The following ZNF185 variants were observed in gnomAD, a reference collection of about 807,000 sequenced individuals.
ZNF185 encodes the protein zinc finger protein 185.
Under a neutral mutation model 58.6 loss-of-function variants are expected in ZNF185, and 56 were observed. The ratio of observed to expected loss-of-function variants is 0.95; its 90% CI spans 0.77 to 1.19. The LOEUF is 1.19. ZNF185 is among the 50% of genes most tolerant of loss of function. The pLI, the probability that ZNF185 is intolerant of heterozygous loss-of-function variation, is 0.00. For synonymous variants in ZNF185, 230 were observed against 215.9 expected (o/e 1.07, Z -0.57); for missense variants, 627 against 573.5 (o/e 1.09, Z -0.95).
intron 15 of ZNF185, among the ~76,000 whole-genome samples, chrX:152,938,887 CAA>C (rs1569506289): frequency 2.1e-5 from 2 of 95,450 alleles, no homozygotes; most frequent in Non-Finnish European, 3.9e-5. Context: ...GTGGAAAAGG[CAA>C]CTCAGGCGAT....
intron 16 of ZNF185, among the ~76,000 whole-genome samples, chrX:152,950,144 A>T (rs1392914168): frequency 8.9e-6 from 1 of 112,491 alleles, no homozygotes; most frequent in Non-Finnish European, 1.9e-5. Context: ...GAAGCGGTAG[A>T]ATTCCACATG....
chrX:152,938,895 GCGATCTC>G (rs386828521), intron 15 of ZNF185, among the ~76,000 whole-genome samples: 1 of 84,496 alleles, frequency 1.2e-5, no homozygotes, highest in Non-Finnish European at 2.3e-5. Context: ...GGCAACTCAG[GCGATCTC>G]CTCTAAAGAG....
At chrX:152,964,629 A>G (rs1193914494) in intron 18 of ZNF185, among the ~76,000 whole-genome samples, 8 of 111,922 alleles carry the variant, frequency 7.1e-5, no homozygotes, top group African/African-American at 2.6e-4. Flanking sequence ...CCCACCTCCA[A>G]CACTGGGAAT....
chrX:152,918,381 C>T (rs782116327), intron 6 of ZNF185, among the ~76,000 whole-genome samples: 68 of 112,855 alleles, frequency 6.0e-4, no homozygotes, highest in African/African-American at 2.2e-3. Context: ...CGAGGCAGAG[C>T]GGAGACCGCA....
intron 16 of ZNF185, among the ~76,000 whole-genome samples, chrX:152,951,401 C>T (rs1013564970): frequency 4.1e-4 from 46 of 111,788 alleles, no homozygotes; most frequent in Middle Eastern, 4.7e-3. Context: ...TTTCTGTGAA[C>T]ATTTTCTAAT....
At chrX:152,941,843 G>A in intron 15 of ZNF185, 1 of 1,142,073 alleles carries the variant, frequency 8.8e-7, no homozygotes, top group Non-Finnish European at 1.2e-6. Flanking sequence ...AAGGTCTGAA[G>A]CCGCGGCCAG....
intron 15 of ZNF185, among the ~76,000 whole-genome samples, chrX:152,940,426 G>C (rs2047050583): frequency 1.0e-5 from 1 of 96,029 alleles, no homozygotes; most frequent in African/African-American, 3.8e-5. Flanking sequence ...GTGTGGTGGG[G>C]GTGGGGGTGG....
chrX:152,931,600 G>A, intron 12 of ZNF185, 72 bp from the exon 14 acceptor site: 1 of 934,521 alleles, frequency 1.1e-6, no homozygotes, highest in Non-Finnish European at 1.5e-6. Flanking sequence ...TGGCGTTTGA[G>A]GATGAGGTAA....
At chrX:152,936,743 C>A (rs1156885884) in intron 14 of ZNF185, among the ~76,000 whole-genome samples, 1 of 110,503 alleles carries the variant, frequency 9.0e-6, no homozygotes, top group African/African-American at 3.3e-5. Context: ...CCAGCACCAA[C>A]CTACATGGAC....
At chrX:152,948,327 G>A (rs930589589) in intron 16 of ZNF185, among the ~76,000 whole-genome samples, 17 of 111,625 alleles carry the variant, frequency 1.5e-4, no homozygotes, top group African/African-American at 5.5e-4. Flanking sequence ...TGGCTGTGAC[G>A]TGATGGATGT....
chrX:152,931,554 G>A lies in ZNF185; in HGVS notation c.918-118G>A, dbSNP rs782564736. 1.6e-5 allele frequency: 9 copies of A among 568,720 alleles called. No individual in the cohort carries two copies. The East Asian group carries it at 3.1e-4, about 20-fold the overall frequency. 46.9% of individuals were successfully genotyped at this position (568,720 alleles called of 1,213,427 possible). Reference sequence around the variant, plus strand: ...GTTATAGGCGTGAGCCACTGCACCCGGCCCAGTAGCAGGTTTTAAGCTCCG... The same window carrying A: ...GTTATAGGCGTGAGCCACTGCACCCAGCCCAGTAGCAGGTTTTAAGCTCCG... On this transcript the variant is annotated intron_variant, in intron 12 of 22. Transcript: ENST00000449285.
At chrX:152,910,748 A>G (rs1937059675), upstream of ZNF185, among the ~76,000 whole-genome samples, 1 of 111,914 alleles carries the variant, frequency 8.9e-6, no homozygotes, top group Non-Finnish European at 1.9e-5. Context: ...GCCTGCCCTT[A>G]AGCCTTTTGA....
At chrX:152,905,713 TG>T in the ZNF185 span, among the ~76,000 whole-genome samples, 277 of 71,178 alleles carry the variant, frequency 3.9e-3, 1 homozygote, top group East Asian at 0.024. Flanking sequence ...CAGACAGGCT[TG>T]GGGGGGGGGC....
intron 8 of ZNF185, 85 bp from the exon 10 acceptor site, chrX:152,920,622 C>A (rs2125341146): frequency 8.8e-7 from 1 of 1,131,029 alleles, no homozygotes; most frequent in East Asian, 3.0e-5. Flanking sequence ...ATGGAGAGGG[C>A]CCAGGACCCT....
chrX:152,936,144 AC>A lies in ZNF185; in HGVS notation c.1122-1929del, dbSNP rs1785144710. 2.7e-5 allele frequency among the ~76,000 whole-genome samples: 3 copies of A among 112,796 alleles called. No homozygotes were observed. The South Asian group carries it at 1.1e-3, about 41-fold the overall frequency. ...GCATCCCTATTTCATTGATGGTAAA[AC>A]TGAGGCCCAGAAAAAAAGGTCAGGT... On this transcript the variant is annotated intron_variant, in intron 14 of 22. Coordinates refer to ENST00000449285, the Ensembl canonical transcript of ZNF185.
chrX:152,912,559 G>T (rs908492997), upstream of ZNF185, among the ~76,000 whole-genome samples: 4 of 111,680 alleles, frequency 3.6e-5, no homozygotes, highest in African/African-American at 9.8e-5. Flanking sequence ...ACCGTCACCT[G>T]CTTGCCACGC....
At chrX:152,967,459 A>G (rs1487111553) in intron 20 of ZNF185, among the ~76,000 whole-genome samples, 1 of 112,573 alleles carries the variant, frequency 8.9e-6, no homozygotes, top group Non-Finnish European at 1.9e-5. Flanking sequence ...GAGGGTAGAT[A>G]CCAGCGGTGA....
Position 152,934,714 on chromosome X carries a change from AT to A in ZNF185, c.1121+1744del, listed in dbSNP as rs782522706. 8.9e-5 allele frequency among the ~76,000 whole-genome samples: 10 copies of A among 112,453 alleles called. No individual in the cohort carries two copies. In the East Asian group the frequency reaches 2.8e-3, roughly 31 times the overall value. ...TGTAAGTGGTATGTAAATAGTTGTTATACTGTATTGTTTAGGGAATGATGAC... is the reference window on the plus strand; with the variant it reads ...TGTAAGTGGTATGTAAATAGTTGTTAACTGTATTGTTTAGGGAATGATGAC... On this transcript the variant is annotated intron_variant, in intron 14 of 22. Transcript: ENST00000449285.
At chrX:152,914,406 A>C (rs1223316998), upstream of ZNF185, 34 of 905,878 alleles carry the variant, frequency 3.8e-5, no homozygotes, top group South Asian at 2.2e-4. Context: ...GACACTACAA[A>C]TGCATGAAGT....
Sources: allele counts gnomAD v4.1 joint callset (sites outside exome capture counted in the v4.1 genomes callset), GRCh38; gene constraint gnomAD v4.1.1; transcripts MANE v1.5; gene names NCBI Gene and HGNC (gene_info 2026-07-23, HGNC 2026-07-21).